FGD1: variants seen among roughly 807,000 people sequenced by gnomAD.
FGD1 encodes FYVE, RhoGEF and PH domain-containing protein 1.
In FGD1, 12 loss-of-function variants were observed where a neutral mutation model predicts 65.0. The observed-to-expected ratio is 0.18, with a 90% CI of 0.12 to 0.30. The LOEUF (loss-of-function observed/expected upper bound fraction) is 0.30. Ranked by LOEUF, FGD1 falls within the 10% of genes least tolerant of loss-of-function variation. The pLI is 1.00. For missense variants in FGD1, 542 were observed against 837.6 expected, an observed-to-expected ratio of 0.65 and a Z score of 4.36; for synonymous variants, 333 against 343.9, an observed-to-expected ratio of 0.97 and a Z score of 0.35.
Position 54,482,407 on chromosome X carries a change from C to T in FGD1, c.308-10920G>A, listed in dbSNP as rs772772635. 3.6e-5 allele frequency among the ~76,000 whole-genome samples: 4 copies of T among 112,069 alleles called. No homozygotes were observed. The South Asian group carries it at 1.5e-3, about 42-fold the overall frequency. On this transcript the variant is annotated intron_variant, in intron 1 of 17. Coordinates refer to ENST00000375135, the MANE Select transcript of FGD1 (RefSeq NM_004463.3). ...ATAGGGGGCGGTAGCTCCACCCCCG[C>T]CCATCTCCCTCCCCCGCCCCGGGAG...
chrX:54,445,762 C>T lies in FGD1; in HGVS notation c.*347G>A, dbSNP rs1922131167. ...AGAGCTGGCACTTGAATCCAGGTCT[C>T]CTACCTCTGGTGCTTTGTGGGGAAC... On this transcript the variant is annotated 3_prime_UTR_variant, in exon 18 of 18. Coordinates refer to ENST00000375135, the MANE Select transcript of FGD1 (RefSeq NM_004463.3). 2 of 180,943 alleles carry T rather than the reference C, an allele frequency of 1.1e-5. No homozygotes were observed. The highest frequency in any genetic ancestry group is 2.0e-5 in the Non-Finnish European group (2 of 101,256). 14.9% of individuals were successfully genotyped at this position (180,943 alleles called of 1,213,427 possible).
chrX:54,473,925 G>A (rs1175565704), intron 1 of FGD1, among the ~76,000 whole-genome samples: 3 of 110,247 alleles, frequency 2.7e-5, no homozygotes, highest in South Asian at 3.9e-4. Context: ...TGGAGGTTGC[G>A]GTGAGCCAAG....
Position 54,495,510 on chromosome X carries a change from C to CG in FGD1, c.-79dup. On this transcript the variant is annotated 5_prime_UTR_variant, in exon 1 of 18. Coordinates refer to ENST00000375135, the MANE Select transcript of FGD1 (RefSeq NM_004463.3). The stretch of plus-strand genomic sequence containing the variant: ...GGCGGAGGCGCGGGCGGAGGAGGCC[C>CG]GGCGCCCGGCGGAGCAGCGGCCTCA... 4 of 707,552 alleles carry CG rather than the reference C, an allele frequency of 5.7e-6. No individual in the cohort carries two copies. Among genetic ancestry groups the CG allele is most frequent in the Non-Finnish European group, 7.2e-6 (4 of 553,111 alleles). The allele number at this position is 707,552 out of a possible 1,213,427, so 58.3% of individuals were successfully genotyped here.
At chrX:54,482,173 A>G (rs1923155928) in intron 1 of FGD1, among the ~76,000 whole-genome samples, 1 of 111,758 alleles carries the variant, frequency 8.9e-6, no homozygotes, top group South Asian at 3.7e-4. Flanking sequence ...GAACATTAAG[A>G]CACACACACA....
chrX:54,482,236 G>GCGCGCACACACACACACACACA (rs796491256), intron 1 of FGD1, among the ~76,000 whole-genome samples: 30 of 99,390 alleles, frequency 3.0e-4, no homozygotes, highest in African/African-American at 1.1e-3. Flanking sequence ...GCACACGCGC[G>GCGCGCACACACACACACACACA]CACACACACA....
intron 8 of FGD1, among the ~76,000 whole-genome samples, chrX:54,461,155 T>C (rs1466501197): frequency 9.0e-6 from 1 of 110,949 alleles, no homozygotes; most frequent in African/African-American, 3.3e-5. Flanking sequence ...GGGGATCCAG[T>C]GTGAAAATAA....
intron 1 of FGD1, among the ~76,000 whole-genome samples, chrX:54,473,652 T>C (rs1922947521): frequency 8.9e-6 from 1 of 112,554 alleles, no homozygotes; most frequent in Admixed American, 9.4e-5. Context: ...AGCATTTACA[T>C]TGTATTAGGT....
chrX:54,490,086 A>G (rs1923381055), intron 1 of FGD1, among the ~76,000 whole-genome samples: 1 of 112,267 alleles, frequency 8.9e-6, no homozygotes, highest in African/African-American at 3.2e-5. Context: ...GCAGGAACAG[A>G]AAACCAAATA....
rs1272331465 is a variant in FGD1 at position 54,495,023 on chromosome X, G to A, written c.307+103C>T. 7.7e-6 allele frequency: 7 copies of A among 905,466 alleles called. No individual in the cohort carries two copies. In the Admixed American group the frequency reaches 1.3e-4, roughly 17 times the overall value. The allele number at this position is 905,466 out of a possible 1,213,427, so 74.6% of individuals were successfully genotyped here. A position where few individuals can be genotyped will look rare whatever the true frequency, so the allele number is the denominator to read the frequency against. On this transcript the variant is annotated intron_variant, in intron 1 of 17. Coordinates refer to ENST00000375135, the MANE Select transcript of FGD1 (RefSeq NM_004463.3). ...GGGAACCCAAAGGGCCGAGGTAAGC[G>A]AGCCTGTTCCGAGGTGGGGCTTAGA... is the stretch of plus-strand genomic sequence containing the variant.
chrX:54,488,777 T>C (rs12855731), intron 1 of FGD1, among the ~76,000 whole-genome samples: 2 of 109,005 alleles, frequency 1.8e-5, no homozygotes, highest in Admixed American at 9.8e-5. Flanking sequence ...TCTGACAGAG[T>C]TGACAAAAGA....
Position 54,446,434 on chromosome X carries a change from A to G in FGD1, c.2581-20T>C, listed in dbSNP as rs761253764. On this transcript the variant is annotated intron_variant, in intron 17 of 17. Transcript: ENST00000375135. ...CACATCCTGGCGGGAGGAGGGACAGAGCTGGGGCCACCTTGGGGCTAGACC... is the reference window on the plus strand; with the variant it reads ...CACATCCTGGCGGGAGGAGGGACAGGGCTGGGGCCACCTTGGGGCTAGACC... 9.2e-6 allele frequency: 11 copies of G among 1,197,656 alleles called. No homozygotes were observed. Among genetic ancestry groups the G allele is most frequent in the South Asian group, 1.8e-5 (1 of 55,222 alleles).
chrX:54,454,184 C>T (rs1922441681), intron 12 of FGD1, among the ~76,000 whole-genome samples: 1 of 111,402 alleles, frequency 9.0e-6, no homozygotes, highest in Non-Finnish European at 1.9e-5. Flanking sequence ...TATCAGAGAG[C>T]GTACTGACAC....
chrX:54,470,231 C>T lies in FGD1; in HGVS notation c.886G>A (p.Glu296Lys). Reference protein sequence around the residue: ...DSISSPSNSEETCFVSDDGPP... With the variant: ...DSISSPSNSEKTCFVSDDGPP... Reference sequence around the variant, plus strand: ...CCGTCATCACTGACGAAGCAGGTCTCCTCGCTGTTGGATGGCGAGCTGATG... The same window carrying T: ...CCGTCATCACTGACGAAGCAGGTCTTCTCGCTGTTGGATGGCGAGCTGATG... Residue 296 changes from glutamate to lysine, a missense_variant, in exon 4 of 18, where the codon GAG (glutamate) becomes AAG (lysine). By Grantham distance (56) the Glu-to-Lys change is moderately conservative (BLOSUM62 1). This residue lies in a region of FGD1 where 297 missense variants were observed against 326.8 expected (regional missense o/e 0.91). Coordinates refer to ENST00000375135, the MANE Select transcript of FGD1 (RefSeq NM_004463.3). 8.3e-7 allele frequency: 1 copy of T among 1,205,539 alleles called. No homozygotes were observed. The highest frequency in any genetic ancestry group is 1.1e-6 in the Non-Finnish European group (1 of 892,283).
chrX:54,470,370 C>A lies in FGD1; in HGVS notation c.747G>T (p.Ser249=), dbSNP rs758566006. The change falls in exon 4 of 18, where the codon TCG becomes TCT. Residue 249 remains serine, a synonymous_variant. Coordinates refer to ENST00000375135, the MANE Select transcript of FGD1 (RefSeq NM_004463.3). ...CGGGGAGCTGGGGCACTGGTGGCTG[C>A]GAGGTTGGCTGTGGCAACATGACTG... ...PEPVMLPQPT[S]QPPVPQLPEG... is the part of the protein sequence containing the mutation. The A allele has an allele frequency of 2.7e-5, 33 of 1,207,935 alleles. No individual in the cohort carries two copies. The highest frequency in any genetic ancestry group is 3.4e-5 in the Non-Finnish European group (30 of 894,423).
intron 8 of FGD1, among the ~76,000 whole-genome samples, chrX:54,462,527 G>A (rs1397475727): frequency 9.3e-6 from 1 of 107,484 alleles, no homozygotes. Context: ...AGGGTAGCTG[G>A]GATTACAGGC....
chrX:54,457,867 A>G (rs1463015965), intron 8 of FGD1, among the ~76,000 whole-genome samples: 2 of 111,299 alleles, frequency 1.8e-5, no homozygotes, highest in Non-Finnish European at 1.9e-5. Context: ...CCACACACTA[A>G]TAAATCCCAC....
At chrX:54,465,394 C>T (rs1687257804) in intron 8 of FGD1, 57 bp downstream of exon 8, 5 of 1,151,689 alleles carry the variant, frequency 4.3e-6, no homozygotes, top group Non-Finnish European at 4.7e-6. Flanking sequence ...CCTCAGAGGT[C>T]TGGCCTAGAG....
Position 54,446,420 on chromosome X carries a change from G to A in FGD1, c.2581-6C>T, listed in dbSNP as rs368589817. The A allele has an allele frequency of 1.2e-4, 145 of 1,204,591 alleles. No individual in the cohort carries two copies. Among genetic ancestry groups the A allele is most frequent in the Non-Finnish European group, 1.4e-4 (127 of 892,232 alleles). On this transcript the variant is annotated splice_polypyrimidine_tract_variant and splice_region_variant and intron_variant, in intron 17 of 17. Coordinates refer to ENST00000375135, the MANE Select transcript of FGD1 (RefSeq NM_004463.3). ...CTGCGCTGGGCTTTCACATCCTGGC[G>A]GGAGGAGGGACAGAGCTGGGGCCAC...
chrX:54,449,191 G>C lies in FGD1; in HGVS notation c.2226C>G (p.Pro742=). The C allele has an allele frequency of 4.1e-6, 5 of 1,212,038 alleles. No individual in the cohort carries two copies. Among genetic ancestry groups the C allele is most frequent in the Non-Finnish European group, 4.5e-6 (4 of 895,479 alleles). The part of the protein sequence containing the change: ...EVTMCMRCQE[P]FNSITKRRHH... ...GCCTGCGTTTGGTGATAGAATTGAA[G>C]GGCTCCTGGCAGCGCATGCACATGG... The change falls in exon 15 of 18, where the codon CCC becomes CCG. Residue 742 remains proline (P), a synonymous_variant. Coordinates refer to ENST00000375135, the MANE Select transcript of FGD1 (RefSeq NM_004463.3).
Sources: allele counts gnomAD v4.1 joint callset (sites outside exome capture counted in the v4.1 genomes callset), GRCh38; gene constraint gnomAD v4.1.1; regional missense constraint gnomAD v4.1.1; transcripts MANE v1.5; gene names NCBI Gene and HGNC (gene_info 2026-07-23, HGNC 2026-07-21).